TENM3: variants seen among roughly 807,000 people sequenced by gnomAD.
The protein encoded by TENM3 is teneurin-3.
In TENM3, 63 loss-of-function variants were observed where a neutral mutation model predicts 255.1. The ratio of observed to expected loss-of-function variants is 0.25; its 90% CI spans 0.20 to 0.30. The LOEUF (loss-of-function observed/expected upper bound fraction) is 0.30. TENM3 is among the 10% of genes least tolerant of loss of function. TENM3 has a pLI of 1.00. For synonymous variants in TENM3, 1,306 were observed against 1,322.3 expected (o/e 0.99, Z 0.27); for missense variants, 2,929 against 3,461.1 (o/e 0.85, Z 3.86).
rs567110663 is a variant in TENM3 at position 182,201,184 on chromosome 4, G to T, written c.-76+56430G>T. On this transcript the variant is annotated intron_variant, in intron 1 of 2. Transcript: ENST00000512480. The stretch of plus-strand genomic sequence containing the variant: ...ACTACTTTAAATAACCAGATAGTAC[G>T]TTAGAAAAAGTCAATCACAAGCTCT... Among the ~76,000 whole-genome samples, 295 of 152,214 alleles carry T rather than the reference G, an allele frequency of 1.9e-3. 1 individual carries two copies. The highest frequency in any genetic ancestry group is 6.7e-3 in the African/African-American group (279 of 41,538).
At chr4:181,669,461 T>C in the TENM3 span, among the ~76,000 whole-genome samples, 1 of 152,124 alleles carries the variant, frequency 6.6e-6, no homozygotes, top group Non-Finnish European at 1.5e-5. Context: ...ATACACAATA[T>C]ACCCCCATGT....
At chr4:181,637,992 C>T in the TENM3 span, among the ~76,000 whole-genome samples, 3 of 152,122 alleles carry the variant, frequency 2.0e-5, no homozygotes, top group Non-Finnish European at 2.9e-5. Flanking sequence ...TTGGACCACA[C>T]GCAGGCATTT....
rs773649727 is a variant in TENM3 at position 182,738,488 on chromosome 4, C to T, written c.3323C>T (p.Ala1108Val). 24 of 1,612,984 alleles carry T rather than the reference C, an allele frequency of 1.5e-5. No individual in the cohort carries two copies. Among genetic ancestry groups the T allele is most frequent in the Non-Finnish European group, 2.0e-5 (23 of 1,179,402 alleles). Reference sequence around the variant, plus strand: ...ATTCTGCAGGGCTATGAATTGGATGCGTCCAACATGGGTGGCTGGACATTA... The same window carrying T: ...ATTCTGCAGGGCTATGAATTGGATGTGTCCAACATGGGTGGCTGGACATTA... ...TAILQGYELD[A>V]SNMGGWTLDK... Residue 1108 changes from alanine (A) to valine (V), a missense_variant, in exon 18 of 28, where the codon GCG becomes GTG. Physicochemically the swap from Ala to Val is moderately conservative, Grantham distance 64. This residue lies in a region of TENM3 where 1,608 missense variants were observed against 1,884.4 expected (regional missense o/e 0.85). Coordinates refer to ENST00000511685, the MANE Select transcript of TENM3 (RefSeq NM_001080477.4).
At chr4:181,867,159 C>T in the TENM3 span, among the ~76,000 whole-genome samples, 1 of 152,156 alleles carries the variant, frequency 6.6e-6, no homozygotes, top group Non-Finnish European at 1.5e-5. Context: ...ATTTCTAGCA[C>T]AGTGCCCGAA....
At chr4:181,722,736 C>G in the TENM3 span, among the ~76,000 whole-genome samples, 1,439 of 152,288 alleles carry the variant, frequency 9.4e-3, 11 homozygotes, top group Non-Finnish European at 0.016. Flanking sequence ...TGGATACAAT[C>G]TGTCTCCTTT....
At chr4:182,777,942 G>A (rs190701063) in intron 24 of TENM3, among the ~76,000 whole-genome samples, 2 of 151,816 alleles carry the variant, frequency 1.3e-5, no homozygotes, top group Admixed American at 1.3e-4. Context: ...AATGTAAAAA[G>A]CATTTCTGTG....
At chr4:182,209,157 G>A (rs1244886262) in intron 1 of TENM3, among the ~76,000 whole-genome samples, 1 of 151,084 alleles carries the variant, frequency 6.6e-6, no homozygotes, top group Admixed American at 6.6e-5. Flanking sequence ...TAGTAGCAAC[G>A]GGGTTTCACC....
the TENM3 span, among the ~76,000 whole-genome samples, chr4:181,791,690 C>T: frequency 6.6e-6 from 1 of 152,170 alleles, no homozygotes; most frequent in Non-Finnish European, 1.5e-5. Context: ...TGAATGTGAA[C>T]GTGATTTTAC....
intron 3 of TENM3, among the ~76,000 whole-genome samples, chr4:182,535,673 G>A (rs1447333800): frequency 4.0e-5 from 6 of 151,742 alleles, no homozygotes; most frequent in Admixed American, 6.6e-5. Flanking sequence ...CCAGGAGTTC[G>A]AGGCTGAAGT....
intron 3 of TENM3, among the ~76,000 whole-genome samples, chr4:182,354,728 C>T (rs1376847944): frequency 2.6e-5 from 4 of 152,088 alleles, no homozygotes; most frequent in South Asian, 2.1e-4. Context: ...ATAGGCTGTA[C>T]GCAAACTAAA....
the TENM3 span, among the ~76,000 whole-genome samples, chr4:181,668,187 G>A: frequency 6.6e-6 from 1 of 152,132 alleles, no homozygotes; most frequent in Non-Finnish European, 1.5e-5. Context: ...GTACACATAA[G>A]CACACACATA....
intron 1 of TENM3, among the ~76,000 whole-genome samples, chr4:182,301,647 A>G (rs1409133850): frequency 6.6e-6 from 1 of 152,224 alleles, no homozygotes; most frequent in African/African-American, 2.4e-5. Context: ...CACTATCTAC[A>G]ATAGAACACA....
chr4:181,615,304 T>A, the TENM3 span, among the ~76,000 whole-genome samples: 11 of 152,096 alleles, frequency 7.2e-5, no homozygotes, highest in Non-Finnish European at 1.3e-4. Flanking sequence ...AAAGACGCAT[T>A]AACCCCAGAT....
chr4:181,499,200 G>C, the TENM3 span, among the ~76,000 whole-genome samples: 5 of 151,916 alleles, frequency 3.3e-5, no homozygotes, highest in Non-Finnish European at 7.4e-5. Context: ...CATCTCCCAG[G>C]GTGTGAACCA....
At chr4:182,052,351 G>A in the TENM3 span, among the ~76,000 whole-genome samples, 11 of 152,118 alleles carry the variant, frequency 7.2e-5, no homozygotes, top group East Asian at 1.9e-4. Flanking sequence ...AGAAGGAAAC[G>A]GTAAACATGG....
the TENM3 span, among the ~76,000 whole-genome samples, chr4:181,456,651 T>C: frequency 6.6e-6 from 1 of 151,882 alleles, no homozygotes; most frequent in Non-Finnish European, 1.5e-5. Context: ...TCAGTACTTG[T>C]ATTGATGAGT....
chr4:182,792,158 A>G lies in TENM3; in HGVS notation c.5602-116A>G, dbSNP rs1766156736. Reference sequence around the variant, plus strand: ...AACACGCAAGGTCAAGGATAACTCAATTAAAATGAAAATCATTTTCTCTAG... The same window carrying G: ...AACACGCAAGGTCAAGGATAACTCAGTTAAAATGAAAATCATTTTCTCTAG... On this transcript the variant is annotated intron_variant, in intron 25 of 27. Coordinates refer to ENST00000511685, the MANE Select transcript of TENM3 (RefSeq NM_001080477.4). This position sits in a 1 kb window ranked among gnomAD's most constrained non-coding sequence, Gnocchi z 6.3. 2.9e-6 allele frequency: 3 copies of G among 1,022,614 alleles called. No homozygotes were observed. The Admixed American group carries it at 7.3e-5, about 25-fold the overall frequency. 63.3% of individuals were successfully genotyped at this position (1,022,614 alleles called of 1,614,324 possible). A position where few individuals can be genotyped will look rare whatever the true frequency, so the allele number is the denominator to read the frequency against.
At chr4:181,476,212 T>TG in the TENM3 span, among the ~76,000 whole-genome samples, 39,249 of 147,952 alleles carry the variant, frequency 0.27, 5,214 homozygotes, top group Middle Eastern at 0.33. Context: ...AGGGGTTTTT[T>TG]TTTTTTTTTT....
the TENM3 span, among the ~76,000 whole-genome samples, chr4:181,664,476 T>C: frequency 7.1e-6 from 1 of 140,668 alleles, no homozygotes; most frequent in Non-Finnish European, 1.5e-5. Context: ...GTCTAAAAAA[T>C]AAAAAAAAAC....
Sources: gnomAD v4.1 joint callset for allele counts (sites outside exome capture counted in the v4.1 genomes callset) on GRCh38, gnomAD v4.1.1 for gene constraint, gnomAD v4.1.1 regional missense constraint, Gnocchi (gnomAD v3.1) non-coding constraint, MANE v1.5 for transcripts, NCBI Gene and HGNC (gene_info 2026-07-23, HGNC 2026-07-21) for gene names.